The following FGD4 variants were observed in gnomAD, a reference collection of about 807,000 sequenced individuals.
FGD4 encodes FYVE, RhoGEF and PH domain-containing protein 4.
In FGD4, 42 loss-of-function variants were observed where a neutral mutation model predicts 102.0. The ratio of observed to expected loss-of-function variants is 0.41; its 90% confidence interval spans 0.32 to 0.53. The LOEUF (loss-of-function observed/expected upper bound fraction) is 0.53. FGD4 is among the 20% of genes least tolerant of loss of function. The probability of loss-of-function intolerance (pLI) is 0.21; values close to 1 mark genes in which losing one functional copy is unlikely to be tolerated. For synonymous variants in FGD4, 380 were observed against 375.7 expected, an observed-to-expected ratio of 1.01 and a Z score of -0.13; for missense variants, 902 against 1,078.2, an observed-to-expected ratio of 0.84 and a Z score of 2.29.
intron 1 of FGD4, among the ~76,000 whole-genome samples, chr12:32,462,847 C>G (rs747717840): frequency 1.3e-5 from 2 of 152,074 alleles, no homozygotes; most frequent in South Asian, 4.1e-4. Context: ...GTGCCATTGC[C>G]GTAATATAAA....
At chr12:32,407,938 T>C (rs1280893978) in intron 1 of FGD4, among the ~76,000 whole-genome samples, 1 of 152,094 alleles carries the variant, frequency 6.6e-6, no homozygotes, top group Non-Finnish European at 1.5e-5. Context: ...AGGCTATTTT[T>C]TCCCCTCCTC....
At chr12:32,613,381 T>C (rs1380340730) in intron 10 of FGD4, among the ~76,000 whole-genome samples, 1 of 152,226 alleles carries the variant, frequency 6.6e-6, no homozygotes, top group Non-Finnish European at 1.5e-5. Context: ...AAAGCTTTTT[T>C]TGCAACAAAA....
intron 1 of FGD4, among the ~76,000 whole-genome samples, chr12:32,403,042 A>C (rs893932571): frequency 2.6e-5 from 4 of 152,184 alleles, no homozygotes; most frequent in African/African-American, 9.7e-5. Context: ...ACCTAGGAAA[A>C]TATTTATATA....
At chr12:32,622,018 GCTGGGACTATAGGTGC>G (rs2136909587) in intron 11 of FGD4, among the ~76,000 whole-genome samples, 1 of 152,156 alleles carries the variant, frequency 6.6e-6, no homozygotes, top group East Asian at 1.9e-4. Context: ...CTCCCGAGTA[GCTGGGACTATAGGTGC>G]CTGCCACCAA....
chr12:32,435,475 TAAATGC>T (rs1942196802), intron 1 of FGD4, among the ~76,000 whole-genome samples: 1 of 144,080 alleles, frequency 6.9e-6, no homozygotes, highest in Non-Finnish European at 1.5e-5. Flanking sequence ...CAGTACTCAA[TAAATGC>T]TAGCTACAAT....
At chr12:32,477,082 G>A (rs1943601345) in intron 1 of FGD4, among the ~76,000 whole-genome samples, 1 of 152,216 alleles carries the variant, frequency 6.6e-6, no homozygotes, top group African/African-American at 2.4e-5. Flanking sequence ...GAGGTAAGGA[G>A]TTCAGGACCA....
At chr12:32,628,548 C>A (rs1331033210) in intron 14 of FGD4, among the ~76,000 whole-genome samples, 2 of 152,046 alleles carry the variant, frequency 1.3e-5, no homozygotes, top group Non-Finnish European at 2.9e-5. Flanking sequence ...CCTGTAATCC[C>A]AGCACTTTGG....
intron 1 of FGD4, among the ~76,000 whole-genome samples, chr12:32,471,527 A>G (rs1285745187): frequency 6.6e-6 from 1 of 152,202 alleles, no homozygotes; most frequent in Non-Finnish European, 1.5e-5. Flanking sequence ...ATTCCACATT[A>G]CATCTCTTCA....
chr12:32,492,809 T>G (rs143491914), intron 1 of FGD4, among the ~76,000 whole-genome samples: 1 of 152,296 alleles, frequency 6.6e-6, no homozygotes, highest in East Asian at 1.9e-4. Context: ...AAACCTTAAT[T>G]CCTAGTTCAT....
chr12:32,512,709 T>C, intron 1 of FGD4, among the ~76,000 whole-genome samples: 1 of 152,168 alleles, frequency 6.6e-6, no homozygotes, highest in East Asian at 1.9e-4. Flanking sequence ...GCCCACCTCT[T>C]TCTCTCCTAG....
At chr12:32,620,520 C>CTTTCTTTCT (rs1949747434) in intron 11 of FGD4, among the ~76,000 whole-genome samples, 2 of 91,134 alleles carry the variant, frequency 2.2e-5, no homozygotes, top group African/African-American at 4.6e-5. Context: ...TTTTTTCTTT[C>CTTTCTTTCT]TTTTTTTTTT....
intron 1 of FGD4, among the ~76,000 whole-genome samples, chr12:32,523,374 C>G (rs1417537116): frequency 2.6e-5 from 4 of 152,178 alleles, no homozygotes; most frequent in African/African-American, 9.7e-5. Context: ...TGTAGTACAG[C>G]CACCACCACC....
intron 1 of FGD4, among the ~76,000 whole-genome samples, chr12:32,443,792 G>T (rs984624289): frequency 6.7e-6 from 1 of 149,394 alleles, no homozygotes; most frequent in South Asian, 2.1e-4. Flanking sequence ...AAAAAAGCCA[G>T]AATGAAAGTG....
At chr12:32,485,406 C>A (rs1943865125) in intron 1 of FGD4, among the ~76,000 whole-genome samples, 1 of 147,528 alleles carries the variant, frequency 6.8e-6, no homozygotes, top group Middle Eastern at 3.5e-3. Context: ...TGATGTCTGT[C>A]AAAAAGAATC....
chr12:32,596,006 G>C (rs920979078), intron 4 of FGD4, among the ~76,000 whole-genome samples: 1 of 152,190 alleles, frequency 6.6e-6, no homozygotes, highest in Non-Finnish European at 1.5e-5. Flanking sequence ...AGTATTCATA[G>C]AACTTAATAG....
At chr12:32,518,471 T>C (rs1940138588) in intron 1 of FGD4, among the ~76,000 whole-genome samples, 1 of 152,102 alleles carries the variant, frequency 6.6e-6, no homozygotes, top group South Asian at 2.1e-4. Context: ...AGAGTGAAAC[T>C]CCATCTCAAA....
intron 1 of FGD4, among the ~76,000 whole-genome samples, chr12:32,484,504 G>A (rs1943840720): frequency 6.6e-6 from 1 of 152,174 alleles, no homozygotes; most frequent in African/African-American, 2.4e-5. Context: ...TTTGTGTTAT[G>A]TAAATGTTGA....
At chr12:32,479,013 C>T (rs1418162100) in intron 1 of FGD4, among the ~76,000 whole-genome samples, 2 of 152,152 alleles carry the variant, frequency 1.3e-5, no homozygotes, top group Non-Finnish European at 2.9e-5. Flanking sequence ...ACTTATAACT[C>T]CGTTTGCTTT....
intron 1 of FGD4, among the ~76,000 whole-genome samples, chr12:32,481,665 A>G (rs544086524): frequency 2.0e-5 from 3 of 152,072 alleles, no homozygotes; most frequent in Non-Finnish European, 4.4e-5. Flanking sequence ...TACTAAAAAT[A>G]TGTAAGTTAG....
Sources: gnomAD v4.1 joint callset for allele counts (sites outside exome capture counted in the v4.1 genomes callset) on GRCh38, gnomAD v4.1.1 for gene constraint, MANE v1.5 for transcripts, NCBI Gene and HGNC (gene_info 2026-07-23, HGNC 2026-07-21) for gene names.